TBC1D32: variants seen among roughly 807,000 people sequenced by gnomAD.
The protein encoded by TBC1D32 is TBC1 domain family member 32.
TBC1D32 carries 151 observed loss-of-function variants against 170.3 expected under a neutral mutation model. That is an observed-to-expected ratio of 0.89 (90% CI 0.78 to 1.01). The LOEUF (loss-of-function observed/expected upper bound fraction) is 1.01, where lower values mean the gene tolerates loss of function less well. Among genes scored for constraint, TBC1D32 ranks in the 50% least tolerant of loss-of-function variants. The pLI is 0.00. For synonymous variants in TBC1D32, 498 were observed against 488.0 expected (o/e 1.02, Z -0.27); for missense variants, 1,464 against 1,457.1 (o/e 1.00, Z -0.08).
At position 121,091,095 on chromosome 6, in the gene TBC1D32, AC is replaced by A. The variant is rs964359789; in HGVS notation, c.3466-55del. ...TAAAAAATTTATAAAACCACATTTG[AC>A]TTTTAAAAAACATTAACCAATAACT... On this transcript the variant is annotated intron_variant, in intron 30 of 31. Coordinates refer to ENST00000398212, the MANE Select transcript of TBC1D32 (RefSeq NM_152730.6). 2.1e-6 allele frequency: 3 copies of A among 1,434,254 alleles called. No homozygotes were observed. The African/African-American group carries it at 4.3e-5, about 21-fold the overall frequency. The allele number at this position is 1,434,254 out of a possible 1,614,324, so 88.8% of individuals were successfully genotyped here.
chr6:121,301,928 C>A (rs1004904436), intron 9 of TBC1D32, among the ~76,000 whole-genome samples: 6 of 151,960 alleles, frequency 3.9e-5, no homozygotes, highest in African/African-American at 1.5e-4. Flanking sequence ...CCGCACCTGG[C>A]CGGGAATACA....
At chr6:121,287,993 A>G (rs1324252123) in intron 12 of TBC1D32, among the ~76,000 whole-genome samples, 3 of 152,198 alleles carry the variant, frequency 2.0e-5, no homozygotes, top group Non-Finnish European at 4.4e-5. Context: ...TCTGGGACAC[A>G]TTCAAAACAG....
intron 15 of TBC1D32, among the ~76,000 whole-genome samples, chr6:121,272,903 T>C (rs1583505497): frequency 6.6e-6 from 1 of 152,164 alleles, no homozygotes; most frequent in Non-Finnish European, 1.5e-5. Flanking sequence ...ATGTGGCACA[T>C]ATACACCATG....
At chr6:121,088,072 T>C (rs897841290) in intron 31 of TBC1D32, among the ~76,000 whole-genome samples, 1 of 151,428 alleles carries the variant, frequency 6.6e-6, no homozygotes, top group Non-Finnish European at 1.5e-5. Flanking sequence ...CACCTCAGCC[T>C]CCTCAGTAGC....
intron 17 of TBC1D32, among the ~76,000 whole-genome samples, chr6:121,250,222 C>A (rs530349066): frequency 6.6e-6 from 1 of 152,162 alleles, no homozygotes. Flanking sequence ...GGGACTCTTC[C>A]CTAACTCATT....
intron 3 of TBC1D32, among the ~76,000 whole-genome samples, chr6:121,315,653 T>A (rs191073479): frequency 4.6e-5 from 7 of 152,160 alleles, no homozygotes; most frequent in Admixed American, 6.6e-5. Context: ...TCAGACCTTT[T>A]TTTTCACCCC....
intron 15 of TBC1D32, among the ~76,000 whole-genome samples, chr6:121,266,842 A>C (rs1360669485): frequency 1.3e-5 from 2 of 152,050 alleles, no homozygotes; most frequent in South Asian, 4.2e-4. Context: ...GTTCTCACTC[A>C]TAAGTGGGAG....
chr6:121,295,504 A>G (rs901170880), intron 10 of TBC1D32, among the ~76,000 whole-genome samples: 3 of 152,120 alleles, frequency 2.0e-5, no homozygotes, highest in African/African-American at 7.2e-5. Context: ...AATTTAAAAA[A>G]TAGACCAGCA....
chr6:121,151,398 G>T (rs546432838), intron 24 of TBC1D32, among the ~76,000 whole-genome samples: 1 of 152,282 alleles, frequency 6.6e-6, no homozygotes, highest in South Asian at 2.1e-4. Flanking sequence ...TTTTGGATTT[G>T]CTGAGGAGTG....
chr6:121,277,688 G>A (rs1020374894), intron 15 of TBC1D32, among the ~76,000 whole-genome samples: 7 of 151,220 alleles, frequency 4.6e-5, no homozygotes, highest in African/African-American at 7.3e-5. Context: ...GAGCTAAAAC[G>A]AATCATGTAA....
chr6:121,089,447 T>C lies in TBC1D32; in HGVS notation c.3654+1406A>G, dbSNP rs142568941. 2.6e-5 allele frequency among the ~76,000 whole-genome samples: 4 copies of C among 152,286 alleles called. 1 individual carries two copies. The highest frequency in any genetic ancestry group is 4.8e-5 in the African/African-American group (2 of 41,580). The stretch of plus-strand genomic sequence containing the variant: ...CTGAAATTCCTATAACTGACCACTA[T>C]AGATGATGAAAACGTCCCTTACTGA... On this transcript the variant is annotated intron_variant, in intron 31 of 31. Transcript: ENST00000398212.
At chr6:121,123,179 ATGGGCTTTACTG>A (rs1364163181) in intron 26 of TBC1D32, among the ~76,000 whole-genome samples, 1 of 152,114 alleles carries the variant, frequency 6.6e-6, no homozygotes, top group African/African-American at 2.4e-5. Flanking sequence ...TTTATCACAT[ATGGGCTTTACTG>A]TGTTGAGGTA....
chr6:121,189,946 T>C (rs750050263), intron 22 of TBC1D32, among the ~76,000 whole-genome samples: 1 of 151,944 alleles, frequency 6.6e-6, no homozygotes, highest in Non-Finnish European at 1.5e-5. Context: ...TTGCTTCAGA[T>C]ACTAAGGGGC....
At chr6:121,284,105 G>A (rs917811755) in intron 12 of TBC1D32, among the ~76,000 whole-genome samples, 195 bp from the exon 13 acceptor site, 1 of 152,046 alleles carries the variant, frequency 6.6e-6, no homozygotes, top group Non-Finnish European at 1.5e-5. Context: ...GGCAAGGCAA[G>A]CAATGCTGTA....
intron 22 of TBC1D32, among the ~76,000 whole-genome samples, chr6:121,179,817 G>C (rs1040929806): frequency 2.6e-5 from 4 of 152,092 alleles, no homozygotes; most frequent in Non-Finnish European, 4.4e-5. Flanking sequence ...TGGGAGAGTT[G>C]TAGTGTATTT....
chr6:121,211,226 G>A (rs987679220), intron 21 of TBC1D32, among the ~76,000 whole-genome samples: 1 of 152,110 alleles, frequency 6.6e-6, no homozygotes, highest in East Asian at 1.9e-4. Context: ...TCCAAGATAA[G>A]TAACAGAAAA....
At chr6:121,334,528 T>A, upstream of TBC1D32, 1 of 1,409,104 alleles carries the variant, frequency 7.1e-7, no homozygotes, top group Non-Finnish European at 9.5e-7. Context: ...CCCGGCTACG[T>A]GCGGCGTCGT....
At chr6:121,326,638 G>T (rs1400573058) in intron 1 of TBC1D32, among the ~76,000 whole-genome samples, 2 of 152,062 alleles carry the variant, frequency 1.3e-5, no homozygotes, top group East Asian at 3.9e-4. Flanking sequence ...TATGACCACA[G>T]TAATATCTCC....
rs1292109089 is a variant in TBC1D32, at chr6:121,321,596, G to A, written c.317+37C>T. 3 of 1,587,790 alleles carry A rather than the reference G, an allele frequency of 1.9e-6. No homozygotes were observed. The South Asian group carries it at 3.4e-5, about 18-fold the overall frequency. Reference sequence around the variant, plus strand: ...GGTGCTGTCAAGACGTCTTGTTGAAGAAGGTTATTTGAAGATATTATTATG... The same window carrying A: ...GGTGCTGTCAAGACGTCTTGTTGAAAAAGGTTATTTGAAGATATTATTATG... On this transcript the variant is annotated intron_variant, in intron 2 of 31. Transcript: ENST00000398212.
Sources: gnomAD v4.1 joint callset for allele counts (sites outside exome capture counted in the v4.1 genomes callset) on GRCh38, gnomAD v4.1.1 for gene constraint, MANE v1.5 for transcripts, NCBI Gene and HGNC (gene_info 2026-07-23, HGNC 2026-07-21) for gene names.